UPF1: variants seen among roughly 807,000 people sequenced by gnomAD.
UPF1 encodes the protein regulator of nonsense transcripts 1.
Under a neutral mutation model 129.2 loss-of-function variants are expected in UPF1, and 9 were observed. The ratio of observed to expected loss-of-function variants is 0.07; its 90% CI spans 0.04 to 0.12. The LOEUF (loss-of-function observed/expected upper bound fraction) is 0.12, where lower values mean the gene tolerates loss of function less well. Among genes scored for constraint, UPF1 ranks in the 10% least tolerant of loss-of-function variants. The probability of loss-of-function intolerance (pLI) is 1.00; values close to 1 mark genes in which losing one functional copy is unlikely to be tolerated. For missense variants in UPF1, 788 were observed against 1,525.3 expected (o/e 0.52, Z 8.05); for synonymous variants, 649 against 644.9 (o/e 1.01, Z -0.10).
intron 2 of UPF1, among the ~76,000 whole-genome samples, chr19:18,846,909 A>G (rs2055606511): frequency 6.6e-6 from 1 of 152,156 alleles, no homozygotes; most frequent in Admixed American, 6.5e-5. Context: ...CAGGAGAATG[A>G]CATGAACCCG....
rs895861225 is a variant in UPF1, at chr19:18,851,676, G to A, written c.811-459G>A. ...TTGGTCTGGCTCAGGGTTAGCAGAC[G>A]TGGGAGACAGGCCTCCCGGGCTGTG... On this transcript the variant is annotated intron_variant, in intron 5 of 23. Transcript: ENST00000262803. The surrounding 1 kb of genome is among the most constrained non-coding windows in gnomAD (Gnocchi z 4.2). 2.6e-5 allele frequency among the ~76,000 whole-genome samples: 4 copies of A among 152,362 alleles called. No individual in the cohort carries two copies. Among genetic ancestry groups the A allele is most frequent in the Admixed American group, 1.3e-4 (2 of 15,308 alleles).
chr19:18,859,133 A>G (rs2145963811), intron 15 of UPF1, among the ~76,000 whole-genome samples: 1 of 152,316 alleles, frequency 6.6e-6, no homozygotes, highest in Non-Finnish European at 1.5e-5. Flanking sequence ...TGAAAACACA[A>G]GGCCACAGAG....
rs941442828 is a variant in UPF1, at chr19:18,853,896, C to T, written c.1156+546C>T. 6.6e-5 allele frequency among the ~76,000 whole-genome samples: 10 copies of T among 152,126 alleles called. No individual in the cohort carries two copies. Among genetic ancestry groups the T allele is most frequent in the African/African-American group, 9.7e-5 (4 of 41,428 alleles). On this transcript the variant is annotated intron_variant, in intron 8 of 23. Transcript: ENST00000262803. The surrounding 1 kb of genome is among the most constrained non-coding windows in gnomAD (Gnocchi z 4.4). ...GGAGGAGTCCTGGGAGAAGACACCG[C>T]GGGTCAGACTCAGGCTGCCTCTTGG...
intron 12 of UPF1, 27 bp downstream of exon 12, chr19:18,856,116 T>C (rs1301845922): frequency 1.2e-6 from 2 of 1,609,336 alleles, no homozygotes; most frequent in Admixed American, 1.7e-5. Flanking sequence ...TCCCTCCCAG[T>C]TGGTCCCTGA....
chr19:18,846,815 C>G (rs1162399886), intron 2 of UPF1, among the ~76,000 whole-genome samples: 1 of 152,110 alleles, frequency 6.6e-6, no homozygotes, highest in African/African-American at 2.4e-5. Context: ...ACGGTGAAAC[C>G]CTGTCTCCAC....
chr19:18,866,815 CCTCAT>C lies in UPF1; in HGVS notation c.*303_*307del, dbSNP rs905575638. On this transcript the variant is annotated 3_prime_UTR_variant, in exon 24 of 24. Coordinates refer to ENST00000262803, the MANE Select transcript of UPF1 (RefSeq NM_002911.4). Reference sequence around the variant, plus strand: ...GCGGCCAGGGCGGAGGGAGGAAGACCCTCATCTCAGAGTAGCCCTTTCCTCTGTTC... The same window carrying C: ...GCGGCCAGGGCGGAGGGAGGAAGACCCTCAGAGTAGCCCTTTCCTCTGTTC... 5 of 152,592 alleles carry C rather than the reference CCTCAT, an allele frequency of 3.3e-5. No homozygotes were observed. Among genetic ancestry groups the C allele is most frequent in the African/African-American group, 1.2e-4 (5 of 41,464 alleles). 9.5% of individuals were successfully genotyped at this position (152,592 alleles called of 1,614,324 possible).
At chr19:18,861,898 GC>G in intron 17 of UPF1, 111 bp from the exon 18 acceptor site, 1 of 1,429,190 alleles carries the variant, frequency 7.0e-7, no homozygotes. Flanking sequence ...CAGGCGCCAG[GC>G]CCCAAGCTCC....
chr19:18,857,421 G>C lies in UPF1; in HGVS notation c.2070G>C (p.Val690=), dbSNP rs756298940. Residue 690 remains valine (V), a synonymous_variant, in exon 15 of 24, where the codon GTG becomes GTC. Transcript: ENST00000262803. ...AGTCGCTCTTCGAGCGCCTGGTGGT[G>C]CTGGGCATCCGGCCCATCCGCCTGC... is the stretch of plus-strand genomic sequence containing the variant. ...LSQSLFERLV[V]LGIRPIRLQV... The C allele has an allele frequency of 1.2e-6, 2 of 1,613,486 alleles. No individual in the cohort carries two copies. The highest frequency in any genetic ancestry group is 2.7e-5 in the African/African-American group (2 of 74,952).
At position 18,866,290 on chromosome 19, in the gene UPF1, G is replaced by T; in HGVS notation, c.*3+124G>T. 5 of 1,380,886 alleles carry T rather than the reference G, an allele frequency of 3.6e-6. No individual in the cohort carries two copies. In the South Asian group the frequency reaches 4.8e-5, roughly 13 times the overall value. The allele number at this position is 1,380,886 out of a possible 1,614,324, so 85.5% of individuals were successfully genotyped here. A position where few individuals can be genotyped will look rare whatever the true frequency, so the allele number is the denominator to read the frequency against. On this transcript the variant is annotated intron_variant, in intron 23 of 23. Transcript: ENST00000262803. ...GAAATGTGTGCTGTGCCTGGTGGGG[G>T]TCATAGGCCCTCAGGGCCAGCTTGG... is the stretch of plus-strand genomic sequence containing the variant.
Position 18,865,611 on chromosome 19 carries a change from C to T in UPF1, c.3070C>T (p.Arg1024Cys), listed in dbSNP as rs1336964228. The change falls in exon 22 of 24, where the codon CGC becomes TGC. Residue 1024 changes from arginine to cysteine, a missense_variant. This residue lies in a region of UPF1 where 218 missense variants were observed against 318.1 expected (regional missense o/e 0.69). Coordinates refer to ENST00000262803, the MANE Select transcript of UPF1 (RefSeq NM_002911.4). This position sits in a 1 kb window ranked among gnomAD's most constrained non-coding sequence, Gnocchi z 6.1. ...KTGRGGRQKN[R>C]FGLPGPSQTN... is the part of the protein sequence containing the mutation. ...TGGTCGTGGGGGACGCCAGAAGAAC[C>T]GCTTTGGGCTTCCTGGACCCAGCCA... is the stretch of plus-strand genomic sequence containing the variant. The T allele has an allele frequency of 4.3e-6, 7 of 1,613,754 alleles. No individual in the cohort carries two copies. The highest frequency in any genetic ancestry group is 5.9e-6 in the Non-Finnish European group (7 of 1,180,048).
chr19:18,855,845 C>T, intron 11 of UPF1, 80 bp from the exon 12 acceptor site: 2 of 1,539,694 alleles, frequency 1.3e-6, no homozygotes, highest in Non-Finnish European at 8.7e-7. Flanking sequence ...AAGACCCTGT[C>T]TCAAAAAACA....
intron 18 of UPF1, among the ~76,000 whole-genome samples, 163 bp downstream of exon 18, chr19:18,862,315 G>A (rs1470539482): frequency 6.6e-6 from 1 of 152,150 alleles, no homozygotes. Flanking sequence ...TCCGTGTCCT[G>A]GGGGTTTGCT....
chr19:18,841,560 G>A lies in UPF1; in HGVS notation c.232-4420G>A, dbSNP rs945571184. 3.9e-5 allele frequency among the ~76,000 whole-genome samples: 6 copies of A among 152,318 alleles called. 1 individual carries two copies. The South Asian group carries it at 1.0e-3, about 26-fold the overall frequency. On this transcript the variant is annotated intron_variant, in intron 1 of 23. Coordinates refer to ENST00000262803, the MANE Select transcript of UPF1 (RefSeq NM_002911.4). ...TGGCTGTCTCTGGGCCCTGCGTTCC[G>A]AGCGGCCTCTCCCGCTGCTTTTCAT...
chr19:18,832,096 CGGGCGCGCG>C lies in UPF1; in HGVS notation c.-110_-102del. 1.9e-6 allele frequency: 2 copies of C among 1,072,978 alleles called. No homozygotes were observed. The highest frequency in any genetic ancestry group is 2.4e-6 in the Non-Finnish European group (2 of 823,750). The allele number at this position is 1,072,978 out of a possible 1,614,324, so 66.5% of individuals were successfully genotyped here. A position where few individuals can be genotyped will look rare whatever the true frequency, so the allele number is the denominator to read the frequency against. On this transcript the variant is annotated 5_prime_UTR_variant, in exon 1 of 24. Coordinates refer to ENST00000262803, the MANE Select transcript of UPF1 (RefSeq NM_002911.4). The surrounding 1 kb of genome is among the most constrained non-coding windows in gnomAD (Gnocchi z 5.6). ...CCGGGGCGCGCGGTTTGGTCCTTTC[CGGGCGCGCG>C]GGGGCGACAGCGGCAGCGACCCGAG...
Position 18,860,845 on chromosome 19 carries a change from G to C in UPF1, c.2320G>C (p.Glu774Gln), listed in dbSNP as rs762011581. The C allele has an allele frequency of 6.2e-7, 1 of 1,612,480 alleles. No individual in the cohort carries two copies. The highest frequency in any genetic ancestry group is 8.5e-7 in the Non-Finnish European group (1 of 1,179,650). Residue 774 changes from glutamate (E) to glutamine (Q), a missense_variant, in exon 17 of 24, where the codon GAG (glutamate) becomes CAG (glutamine). Physicochemically the swap from Glu to Gln is conservative, Grantham distance 29. Transcript: ENST00000262803. ...TCTTAGGACCGAGGCTGCGAACGTG[G>C]AGAAGATCACCACGAAGTTGCTGAA... is the stretch of plus-strand genomic sequence containing the variant. Reference protein sequence around the residue: ...YLNRTEAANVEKITTKLLKAG... With the variant: ...YLNRTEAANVQKITTKLLKAG...
At chr19:18,843,836 G>A (rs754427976) in intron 1 of UPF1, among the ~76,000 whole-genome samples, 3 of 151,918 alleles carry the variant, frequency 2.0e-5, no homozygotes, top group Non-Finnish European at 2.9e-5. Flanking sequence ...GCCTTGACCT[G>A]CTGGGGTCAA....
chr19:18,866,003 C>T, intron 22 of UPF1, 41 bp from the exon 23 acceptor site: 1 of 1,612,746 alleles, frequency 6.2e-7, no homozygotes, highest in South Asian at 1.1e-5. Context: ...TGTGAGCACC[C>T]TTGGCCTGTG....
chr19:18,862,411 A>G (rs1294968440), intron 18 of UPF1, among the ~76,000 whole-genome samples: 3 of 152,100 alleles, frequency 2.0e-5, no homozygotes, highest in Non-Finnish European at 4.4e-5. Flanking sequence ...GTGTCTGTCA[A>G]GTTGTTTAAT....
intron 1 of UPF1, among the ~76,000 whole-genome samples, chr19:18,834,345 G>A (rs979341882): frequency 6.6e-6 from 1 of 152,182 alleles, no homozygotes; most frequent in Non-Finnish European, 1.5e-5. Context: ...TAACTGTAGC[G>A]AGCATAAAAC....
Sources: allele counts gnomAD v4.1 joint callset (sites outside exome capture counted in the v4.1 genomes callset), GRCh38; gene constraint gnomAD v4.1.1; regional missense constraint gnomAD v4.1.1; non-coding constraint Gnocchi (gnomAD v3.1); transcripts MANE v1.5; gene names NCBI Gene and HGNC (gene_info 2026-07-23, HGNC 2026-07-21).